The following FHIT variants were observed in gnomAD, a reference collection of about 807,000 sequenced individuals.
FHIT encodes the protein bis(5'-adenosyl)-triphosphatase.
A neutral mutation model predicts 17.9 loss-of-function variants in FHIT; 19 were observed. That is an observed-to-expected ratio of 1.06 (90% CI 0.74 to 1.56). The LOEUF is 1.56. Ranked by LOEUF, FHIT falls within the 40% of genes most tolerant of loss-of-function variation. The pLI, the probability that FHIT is intolerant of heterozygous loss-of-function variation, is 0.00. For synonymous variants in FHIT, 81 were observed against 69.7 expected (o/e 1.16, Z -0.81); for missense variants, 248 against 189.2 (o/e 1.31, Z -1.82).
chr3:60,430,390 A>G (rs1702839355), intron 5 of FHIT, among the ~76,000 whole-genome samples: 2 of 152,012 alleles, frequency 1.3e-5, no homozygotes, highest in Admixed American at 6.6e-5. Flanking sequence ...CCCACTTCTG[A>G]CTTCCACCTC....
intron 8 of FHIT, among the ~76,000 whole-genome samples, chr3:59,785,050 G>C (rs1449671083): frequency 1.3e-5 from 2 of 152,072 alleles, no homozygotes; most frequent in Non-Finnish European, 1.5e-5. Context: ...CAACAAGAGA[G>C]AGAGAGGGGA....
chr3:59,861,273 T>C (rs747632007), intron 8 of FHIT, among the ~76,000 whole-genome samples: 1 of 152,100 alleles, frequency 6.6e-6, no homozygotes, highest in African/African-American at 2.4e-5. Flanking sequence ...GTGAGGAAGA[T>C]TGAGACGTCA....
At chr3:60,745,771 G>T (rs2042344052) in intron 4 of FHIT, among the ~76,000 whole-genome samples, 1 of 151,982 alleles carries the variant, frequency 6.6e-6, no homozygotes, top group Non-Finnish European at 1.5e-5. Context: ...GCCCAAGAGT[G>T]GTACTAACTG....
chr3:60,241,340 G>A (rs1350845410), intron 5 of FHIT, among the ~76,000 whole-genome samples: 1 of 152,004 alleles, frequency 6.6e-6, no homozygotes, highest in East Asian at 1.9e-4. Flanking sequence ...ATTCTAAAGA[G>A]CATTCCTTCT....
chr3:60,672,407 G>C (rs572205750), intron 4 of FHIT, among the ~76,000 whole-genome samples: 1 of 152,068 alleles, frequency 6.6e-6, no homozygotes, highest in Middle Eastern at 3.4e-3. Flanking sequence ...AGTGGGGGTC[G>C]CAAGGTGCTC....
At chr3:60,574,286 A>C (rs2037490574) in intron 4 of FHIT, among the ~76,000 whole-genome samples, 1 of 151,192 alleles carries the variant, frequency 6.6e-6, no homozygotes, top group African/African-American at 2.4e-5. Flanking sequence ...AAGAAAAGCA[A>C]CTCCAGTGGA....
chr3:59,946,413 G>T (rs985962120), intron 7 of FHIT, among the ~76,000 whole-genome samples: 1 of 152,162 alleles, frequency 6.6e-6, no homozygotes, highest in Non-Finnish European at 1.5e-5. Flanking sequence ...AAATTAAAGA[G>T]CTTTTGGACA....
chr3:60,020,892 A>C (rs147604200), intron 5 of FHIT, among the ~76,000 whole-genome samples: 10 of 152,358 alleles, frequency 6.6e-5, no homozygotes, highest in Admixed American at 2.0e-4. Flanking sequence ...ATGGATTTTC[A>C]TATCAGAAAG....
intron 7 of FHIT, among the ~76,000 whole-genome samples, chr3:59,986,540 T>TATACACACAC (rs1473518719): frequency 8.9e-4 from 11 of 12,420 alleles, no homozygotes; most frequent in African/African-American, 1.1e-3. Context: ...TATATATATA[T>TATACACACAC]ACACACACAC....
At chr3:60,369,480 A>T (rs78031318) in intron 5 of FHIT, among the ~76,000 whole-genome samples, 2,870 of 152,254 alleles carry the variant, frequency 0.019, 92 homozygotes, top group African/African-American at 0.065. Context: ...TCACTTGTAT[A>T]ATAATTATGA....
chr3:61,037,078 A>G (rs1330116399), intron 3 of FHIT, among the ~76,000 whole-genome samples: 3 of 151,860 alleles, frequency 2.0e-5, no homozygotes, highest in Admixed American at 6.6e-5. Flanking sequence ...CACCCGGCTA[A>G]TTTTTTGTAT....
chr3:60,980,324 C>CA (rs1193519498), intron 3 of FHIT, among the ~76,000 whole-genome samples: 1 of 152,038 alleles, frequency 6.6e-6, no homozygotes, highest in Admixed American at 6.6e-5. Context: ...AAAAACACCA[C>CA]AAAAAATGTA....
chr3:60,401,242 A>G (rs142690516), intron 5 of FHIT, among the ~76,000 whole-genome samples: 230 of 152,312 alleles, frequency 1.5e-3, no homozygotes, highest in Middle Eastern at 6.8e-3. Context: ...TTTCACCTCC[A>G]TATACATGTG....
intron 8 of FHIT, among the ~76,000 whole-genome samples, chr3:59,851,653 C>G (rs1674282423): frequency 1.3e-5 from 2 of 152,186 alleles, no homozygotes; most frequent in African/African-American, 4.8e-5. Context: ...AGGCTTATTA[C>G]ATTCATTCGT....
chr3:61,029,448 G>A (rs1395236170), intron 3 of FHIT, among the ~76,000 whole-genome samples: 3 of 152,134 alleles, frequency 2.0e-5, no homozygotes, highest in Non-Finnish European at 4.4e-5. Flanking sequence ...TTTACTGTGG[G>A]AATCTGATTT....
intron 3 of FHIT, among the ~76,000 whole-genome samples, chr3:60,992,842 G>A (rs1233693010): frequency 2.0e-5 from 3 of 152,144 alleles, no homozygotes; most frequent in East Asian, 1.9e-4. Context: ...ACAGGAGGCC[G>A]TGGAACAACT....
chr3:60,218,563 G>T (rs537680513), intron 5 of FHIT, among the ~76,000 whole-genome samples: 12 of 152,180 alleles, frequency 7.9e-5, no homozygotes, highest in African/African-American at 2.2e-4. Flanking sequence ...TCAAGGCAAA[G>T]ATTCTTGAAA....
chr3:60,368,888 G>A (rs994187173), intron 5 of FHIT, among the ~76,000 whole-genome samples: 8 of 151,736 alleles, frequency 5.3e-5, no homozygotes, highest in Admixed American at 2.6e-4. Flanking sequence ...TATTGATATG[G>A]CTCAAAGTTC....
intron 1 of FHIT, among the ~76,000 whole-genome samples, chr3:61,207,946 G>A (rs751859781): frequency 6.6e-6 from 1 of 151,928 alleles, no homozygotes; most frequent in African/African-American, 2.4e-5. Flanking sequence ...TCTTTTGTGG[G>A]CATTTAGTGC....
Sources: gnomAD v4.1 joint callset for allele counts (sites outside exome capture counted in the v4.1 genomes callset) on GRCh38, gnomAD v4.1.1 for gene constraint, MANE v1.5 for transcripts, NCBI Gene and HGNC (gene_info 2026-07-23, HGNC 2026-07-21) for gene names.